The following CSMD1 variants were observed in gnomAD, a reference collection of about 807,000 sequenced individuals.
CSMD1 encodes CUB and sushi domain-containing protein 1.
CSMD1 carries 213 observed loss-of-function variants against 417.5 expected under a neutral mutation model. The observed-to-expected ratio is 0.51, with a 90% confidence interval of 0.46 to 0.57. CSMD1 has a LOEUF of 0.57. CSMD1 is among the 20% of genes least tolerant of loss of function. The probability of loss-of-function intolerance (pLI) is 0.00; values close to 1 mark genes in which losing one functional copy is unlikely to be tolerated. For missense variants in CSMD1, 6,923 were observed against 4,529.7 expected (o/e 1.53, Z -15.17); for synonymous variants, 2,862 against 1,736.8 (o/e 1.65, Z -16.11).
At chr8:3,176,068 G>C (rs1295509677) in intron 37 of CSMD1, among the ~76,000 whole-genome samples, 1 of 152,106 alleles carries the variant, frequency 6.6e-6, no homozygotes, top group East Asian at 1.9e-4. Flanking sequence ...TCACTGTCTT[G>C]TTAGAAGTAA....
rs557989146 is a variant in CSMD1 at position 4,583,601 on chromosome 8, C to T, written c.302+53741G>A. 5.3e-5 allele frequency among the ~76,000 whole-genome samples: 8 copies of T among 152,298 alleles called. No homozygotes were observed. The South Asian group carries it at 1.7e-3, about 32-fold the overall frequency. ...CAAGGTTTGTGAGTGCACCAATGGA[C>T]ACTGTATCTAGCTGCTCTGGTGGGG... On this transcript the variant is annotated intron_variant, in intron 2 of 69. Transcript: ENST00000635120.
At chr8:4,104,057 G>T (rs17404503) in intron 3 of CSMD1, among the ~76,000 whole-genome samples, 1 of 152,094 alleles carries the variant, frequency 6.6e-6, no homozygotes, top group African/African-American at 2.4e-5. Context: ...CATTACTCAA[G>T]TACTACAATA....
At chr8:4,847,375 C>T (rs781467480) in intron 1 of CSMD1, among the ~76,000 whole-genome samples, 1 of 151,984 alleles carries the variant, frequency 6.6e-6, no homozygotes, top group African/African-American at 2.4e-5. Flanking sequence ...TTTCAGATAC[C>T]AAATAAAAAT....
At chr8:4,128,238 G>C (rs139186151) in intron 3 of CSMD1, among the ~76,000 whole-genome samples, 124 of 152,168 alleles carry the variant, frequency 8.1e-4, no homozygotes, top group African/African-American at 2.4e-3. Context: ...GTTTCTGCAT[G>C]GCTGACAGGT....
intron 1 of CSMD1, among the ~76,000 whole-genome samples, chr8:4,942,391 C>G (rs1034728074): frequency 1.3e-5 from 2 of 152,158 alleles, no homozygotes; most frequent in Non-Finnish European, 2.9e-5. Flanking sequence ...TGAGATTACT[C>G]TTATCATGTT....
intron 48 of CSMD1, among the ~76,000 whole-genome samples, chr8:3,089,809 C>G (rs1814809235): frequency 6.6e-6 from 1 of 152,142 alleles, no homozygotes; most frequent in South Asian, 2.1e-4. Flanking sequence ...TCTCCCAATA[C>G]AGTTTAACAA....
chr8:4,587,763 G>T (rs946772995), intron 2 of CSMD1, among the ~76,000 whole-genome samples: 1 of 152,154 alleles, frequency 6.6e-6, no homozygotes, highest in Non-Finnish European at 1.5e-5. Flanking sequence ...TATAGTAGAT[G>T]CTAACACAAG....
At chr8:3,946,878 G>A (rs765479965) in intron 5 of CSMD1, among the ~76,000 whole-genome samples, 2 of 152,102 alleles carry the variant, frequency 1.3e-5, no homozygotes, top group African/African-American at 2.4e-5. Context: ...TGCTTGTATC[G>A]ATTTATATTG....
At chr8:4,041,069 T>C (rs376321596) in intron 3 of CSMD1, among the ~76,000 whole-genome samples, 8 of 139,162 alleles carry the variant, frequency 5.7e-5, no homozygotes, top group South Asian at 2.3e-4. Flanking sequence ...CAGGCTGGAG[T>C]GCAGTGGCGC....
At chr8:3,929,980 T>C (rs1810029147) in intron 5 of CSMD1, among the ~76,000 whole-genome samples, 1 of 150,396 alleles carries the variant, frequency 6.6e-6, no homozygotes, top group East Asian at 2.0e-4. Flanking sequence ...ATGATTAAAT[T>C]TTTAAAAACT....
chr8:3,632,264 T>C (rs1422509495), intron 7 of CSMD1, among the ~76,000 whole-genome samples: 2 of 152,210 alleles, frequency 1.3e-5, no homozygotes, highest in Non-Finnish European at 2.9e-5. Context: ...ATAATGCATC[T>C]TAAATCAACA....
chr8:3,152,853 G>A (rs571113390), intron 39 of CSMD1, among the ~76,000 whole-genome samples: 2 of 152,298 alleles, frequency 1.3e-5, no homozygotes, highest in African/African-American at 2.4e-5. Flanking sequence ...AGACACACCA[G>A]CAAATCTGAG....
intron 4 of CSMD1, among the ~76,000 whole-genome samples, chr8:4,004,473 A>C (rs10103783): frequency 0.041 from 6,254 of 151,678 alleles, 171 homozygotes; most frequent in Non-Finnish European, 0.062. Context: ...AAATGGCCTA[A>C]TTTATCTATT....
intron 5 of CSMD1, among the ~76,000 whole-genome samples, chr8:3,906,173 G>T (rs1808095345): frequency 6.6e-6 from 1 of 152,080 alleles, no homozygotes; most frequent in Non-Finnish European, 1.5e-5. Context: ...CTGCATTTGT[G>T]ATATGGGTTA....
chr8:3,213,153 A>G (rs1199610920), intron 30 of CSMD1, among the ~76,000 whole-genome samples: 1 of 152,124 alleles, frequency 6.6e-6, no homozygotes, highest in Non-Finnish European at 1.5e-5. Flanking sequence ...TAAAATGTTT[A>G]TTTGGCCTGA....
At chr8:4,438,154 T>A (rs1176676945) in intron 2 of CSMD1, among the ~76,000 whole-genome samples, 1 of 152,156 alleles carries the variant, frequency 6.6e-6, no homozygotes, top group Non-Finnish European at 1.5e-5. Flanking sequence ...GCTTCCTGAT[T>A]TAGATATTGC....
At chr8:3,782,154 A>G (rs1799218179) in intron 5 of CSMD1, among the ~76,000 whole-genome samples, 1 of 152,204 alleles carries the variant, frequency 6.6e-6, no homozygotes, top group African/African-American at 2.4e-5. Context: ...TTTAAAAGAG[A>G]AAACAAACGA....
At chr8:4,690,690 C>A (rs1806712159) in intron 1 of CSMD1, among the ~76,000 whole-genome samples, 1 of 151,256 alleles carries the variant, frequency 6.6e-6, no homozygotes, top group South Asian at 2.1e-4. Context: ...TGAATTGAAT[C>A]ATTATACTGC....
chr8:4,843,722 T>C (rs1800970328), intron 1 of CSMD1, among the ~76,000 whole-genome samples: 1 of 152,224 alleles, frequency 6.6e-6, no homozygotes, highest in Non-Finnish European at 1.5e-5. Flanking sequence ...TATTCTGTTT[T>C]ACACAATGCC....
Sources: gnomAD v4.1 joint callset for allele counts (sites outside exome capture counted in the v4.1 genomes callset) on GRCh38, gnomAD v4.1.1 for gene constraint, MANE v1.5 for transcripts, NCBI Gene and HGNC (gene_info 2026-07-23, HGNC 2026-07-21) for gene names.